The following DHX57 variants were observed in gnomAD, a reference collection of about 807,000 sequenced individuals.
DHX57 encodes the protein putative ATP-dependent RNA helicase DHX57.
In DHX57, 105 loss-of-function variants were observed where a neutral mutation model predicts 156.2. That is an observed-to-expected ratio of 0.67 (90% CI 0.57 to 0.79). The LOEUF (loss-of-function observed/expected upper bound fraction) is 0.79. DHX57 is among the 30% of genes least tolerant of loss of function. The pLI is 0.00. For synonymous variants in DHX57, 704 were observed against 595.6 expected, an observed-to-expected ratio of 1.18 and a Z score of -2.65; for missense variants, 1,847 against 1,661.9, an observed-to-expected ratio of 1.11 and a Z score of -1.94.
rs533420826 is a variant in DHX57 at position 38,808,191 on chromosome 2, G to A, written c.3682-1498C>T. ...GATGGTCTCGATCTCTTGACCTTGT[G>A]ATCTACCCACCTCAGCCTCCCAAAG... is the stretch of plus-strand genomic sequence containing the variant. On this transcript the variant is annotated intron_variant, in intron 21 of 23. Coordinates refer to ENST00000457308, the MANE Select transcript of DHX57 (RefSeq NM_198963.3). Among the ~76,000 whole-genome samples, 7 of 151,490 alleles carry A rather than the reference G, an allele frequency of 4.6e-5. No homozygotes were observed. The South Asian group carries it at 1.5e-3, about 32-fold the overall frequency.
At chr2:38,830,765 T>G (rs911310271) in intron 13 of DHX57, among the ~76,000 whole-genome samples, 8 of 152,144 alleles carry the variant, frequency 5.3e-5, no homozygotes, top group African/African-American at 1.9e-4. Flanking sequence ...GTTCTTTCCA[T>G]TACATACCCC....
In DHX57 at chr2:38,828,352, CTGT is replaced by C. The variant is rs1671211024; in HGVS notation, c.2624_2626del (p.Asn875del). 1 of 1,611,602 alleles carries C rather than the reference CTGT, an allele frequency of 6.2e-7. No homozygotes were observed. The highest frequency in any genetic ancestry group is 1.1e-5 in the South Asian group (1 of 90,590). ...GCAATTAGCTTACCGATTACTACGT[CTGT>C]TGTTGAAAAGAGAATTAGACTGTAG... On this transcript the variant is annotated inframe_deletion, in exon 14 of 24. Transcript: ENST00000457308.
intron 23 of DHX57, among the ~76,000 whole-genome samples, chr2:38,800,480 A>G (rs879171569): frequency 6.6e-6 from 1 of 152,196 alleles, no homozygotes; most frequent in African/African-American, 2.4e-5. Flanking sequence ...TCTTCCCAGC[A>G]TCTGTTTTGC....
At chr2:38,870,658 T>A (rs1262114336) in intron 1 of DHX57, among the ~76,000 whole-genome samples, 1 of 152,160 alleles carries the variant, frequency 6.6e-6, no homozygotes, top group Admixed American at 6.5e-5. Flanking sequence ...GGCGGGCAGA[T>A]CACGAGGTCA....
chr2:38,853,153 G>A (rs942005501), intron 9 of DHX57: 1 of 152,552 alleles, frequency 6.6e-6, no homozygotes, highest in Non-Finnish European at 1.5e-5. Context: ...CCTCCTGGGG[G>A]CTCAATTGAT....
At position 38,861,205 on chromosome 2, in the gene DHX57, TCCGCAAATGTCAAG is replaced by T. The variant is rs1207690213; in HGVS notation, c.1191_1204del (p.Leu398AsnfsTer31). ...AGAATATACGACAGGTTCCGAAGTTTCCGCAAATGTCAAGGCCTTGTCATAAAGAAACTCAGAAA... is the reference window on the plus strand; with the variant it reads ...AGAATATACGACAGGTTCCGAAGTTTGCCTTGTCATAAAGAAACTCAGAAA... On this transcript the variant is annotated frameshift_variant, in exon 5 of 24. Coordinates refer to ENST00000457308, the MANE Select transcript of DHX57 (RefSeq NM_198963.3). LOFTEE classifies it high-confidence loss of function. 9.9e-6 allele frequency: 16 copies of T among 1,614,074 alleles called. No individual in the cohort carries two copies. The highest frequency in any genetic ancestry group is 1.2e-5 in the Non-Finnish European group (14 of 1,180,050).
chr2:38,875,532 C>G (rs971606061), intron 1 of DHX57, among the ~76,000 whole-genome samples: 25 of 152,298 alleles, frequency 1.6e-4, no homozygotes, highest in African/African-American at 6.0e-4. Context: ...GCCCCGCCCC[C>G]CCCGGCCCCA....
chr2:38,828,295 G>C, intron 14 of DHX57, 45 bp downstream of exon 14: 1 of 1,469,546 alleles, frequency 6.8e-7, no homozygotes, highest in Non-Finnish European at 9.4e-7. Context: ...ATCTTTAGAG[G>C]TAACTGCAAT....
chr2:38,813,464 G>A (rs553257150), intron 21 of DHX57, among the ~76,000 whole-genome samples: 4 of 150,742 alleles, frequency 2.7e-5, no homozygotes, highest in East Asian at 2.0e-4. Flanking sequence ...TCCGACTCCC[G>A]GGTTCATGCC....
chr2:38,863,691 T>G (rs1448855682), intron 2 of DHX57, among the ~76,000 whole-genome samples, 172 bp from the exon 3 acceptor site: 1 of 152,124 alleles, frequency 6.6e-6, no homozygotes, highest in Non-Finnish European at 1.5e-5. Flanking sequence ...CCAGACTTCA[T>G]TATATCAGAC....
chr2:38,844,087 C>T (rs961549567), intron 11 of DHX57, among the ~76,000 whole-genome samples: 1 of 152,152 alleles, frequency 6.6e-6, no homozygotes, highest in Non-Finnish European at 1.5e-5. Flanking sequence ...TCCTGACTTC[C>T]TCCAACCCCT....
At position 38,828,365 on chromosome 2, in the gene DHX57, G is replaced by C. The variant is rs745581093; in HGVS notation, c.2614C>G (p.Leu872Val). The part of the protein sequence containing the change: ...MLYEQLQSNS[L>V]FNNRRSNRCV... ...CGATTACTACGTCTGTTGTTGAAAA[G>C]AGAATTAGACTGTAGCTGTTCATAA... The change falls in exon 14 of 24, where the codon CTT becomes GTT. Residue 872 changes from leucine (L) to valine (V), a missense_variant. Transcript: ENST00000457308. 1.9e-6 allele frequency: 3 copies of C among 1,612,544 alleles called. No homozygotes were observed. Among genetic ancestry groups the C allele is most frequent in the African/African-American group, 1.3e-5 (1 of 74,850 alleles).
chr2:38,816,218 ATT>A (rs368002198), intron 19 of DHX57: 313 of 435,336 alleles, frequency 7.2e-4, no homozygotes, highest in South Asian at 1.0e-3. Flanking sequence ...GTGATTCAAT[ATT>A]TTTTTTTTTT....
rs1672403431 is a variant in DHX57, at chr2:38,848,418, G to A, written c.2031-16C>T. On this transcript the variant is annotated splice_polypyrimidine_tract_variant and intron_variant, in intron 9 of 23. Transcript: ENST00000457308. ...CAAGAAGTCACTAGAGAAAATAAAAGAAACACCTGAGGATCAAACAAATTC... is the reference window on the plus strand; with the variant it reads ...CAAGAAGTCACTAGAGAAAATAAAAAAAACACCTGAGGATCAAACAAATTC... The A allele has an allele frequency of 1.5e-5, 23 of 1,568,490 alleles. No homozygotes were observed. Among genetic ancestry groups the A allele is most frequent in the Non-Finnish European group, 2.0e-5 (23 of 1,162,346 alleles).
intron 2 of DHX57, among the ~76,000 whole-genome samples, chr2:38,865,884 T>C (rs905490160): frequency 2.0e-5 from 3 of 152,338 alleles, no homozygotes; most frequent in Non-Finnish European, 4.4e-5. Context: ...ACTGGTCTCC[T>C]TGCTTTCAAC....
intron 14 of DHX57, 109 bp downstream of exon 14, chr2:38,828,231 A>G: frequency 1.4e-6 from 1 of 705,308 alleles, no homozygotes; most frequent in South Asian, 2.6e-5. Context: ...GCTGGCATAA[A>G]CAAATGTATG....
intron 6 of DHX57, 111 bp from the exon 7 acceptor site, chr2:38,856,572 C>T (rs532080844): frequency 2.1e-5 from 29 of 1,350,376 alleles, no homozygotes; most frequent in Admixed American, 1.0e-4. Flanking sequence ...GGTGCGATCA[C>T]GGCTCACTCC....
chr2:38,875,255 G>C (rs1019352811), intron 1 of DHX57, among the ~76,000 whole-genome samples: 2 of 152,164 alleles, frequency 1.3e-5, no homozygotes, highest in African/African-American at 4.8e-5. Context: ...TCTTCACCAT[G>C]GATACAGGGA....
At chr2:38,873,237 C>T (rs1336339397) in intron 1 of DHX57, among the ~76,000 whole-genome samples, 1 of 152,142 alleles carries the variant, frequency 6.6e-6, no homozygotes, top group Admixed American at 6.5e-5. Context: ...GTGATCTGTC[C>T]ACCTTGGCCT....
Sources: gnomAD v4.1 joint callset for allele counts (sites outside exome capture counted in the v4.1 genomes callset) on GRCh38, gnomAD v4.1.1 for gene constraint, MANE v1.5 for transcripts, NCBI Gene and HGNC (gene_info 2026-07-23, HGNC 2026-07-21) for gene names.